Variants in LRP11 observed in about 807,000 individuals in gnomAD.
LRP11 encodes the protein LDL receptor related protein 11.
In LRP11, 25 loss-of-function variants were observed where a neutral mutation model predicts 43.1. The observed-to-expected ratio is 0.58, with a 90% CI of 0.42 to 0.81. The LOEUF (loss-of-function observed/expected upper bound fraction) is 0.81. Ranked by LOEUF, LRP11 falls within the 30% of genes least tolerant of loss-of-function variation. The pLI is 0.00. For synonymous variants in LRP11, 316 were observed against 299.4 expected, an observed-to-expected ratio of 1.06 and a Z score of -0.57; for missense variants, 623 against 665.1, an observed-to-expected ratio of 0.94 and a Z score of 0.70.
intron 1 of LRP11, among the ~76,000 whole-genome samples, chr6:149,854,210 T>C (rs757851949): frequency 1.4e-4 from 22 of 152,278 alleles, no homozygotes; most frequent in Non-Finnish European, 2.6e-4. Flanking sequence ...AGCCTCCAAC[T>C]CCTGGGCTCA....
rs1777007771 is a variant in LRP11 at position 149,864,357 on chromosome 6, A to G, written c.-337T>C. ...TGATCAGCACCAGGTGTGTGCGAAC[A>G]GTGGCCGCGGCGGGGTGGAGCCTTG... On this transcript the variant is annotated 5_prime_UTR_variant, in exon 1 of 7. Coordinates refer to ENST00000239367, the MANE Select transcript of LRP11 (RefSeq NM_032832.6). 2.0e-6 allele frequency: 2 copies of G among 997,500 alleles called. No individual in the cohort carries two copies. The highest frequency in any genetic ancestry group is 1.7e-5 in the African/African-American group (1 of 57,534). 61.8% of individuals were successfully genotyped at this position (997,500 alleles called of 1,614,324 possible).
chr6:149,820,472 G>A lies in LRP11; in HGVS notation c.*77C>T. ...GGCCCAATTAAAAACAAAAGAAGCTGTAAATATCCAGAACTTAATAGATGT... is the reference window on the plus strand; with the variant it reads ...GGCCCAATTAAAAACAAAAGAAGCTATAAATATCCAGAACTTAATAGATGT... On this transcript the variant is annotated 3_prime_UTR_variant, in exon 7 of 7. Coordinates refer to ENST00000239367, the MANE Select transcript of LRP11 (RefSeq NM_032832.6). 1.6e-6 allele frequency: 1 copy of A among 612,354 alleles called. No homozygotes were observed. Among genetic ancestry groups the A allele is most frequent in the Non-Finnish European group, 3.0e-6 (1 of 334,780 alleles). The allele number at this position is 612,354 out of a possible 1,614,324, so 37.9% of individuals were successfully genotyped here.
chr6:149,826,231 A>G (rs1251160140), intron 6 of LRP11, 33 bp downstream of exon 6: 2 of 1,490,000 alleles, frequency 1.3e-6, no homozygotes, highest in East Asian at 2.3e-5. Context: ...AGAAGACTAC[A>G]GTCTGCAAAG....
At chr6:149,859,784 T>C (rs554580972) in intron 1 of LRP11, among the ~76,000 whole-genome samples, 20 of 152,218 alleles carry the variant, frequency 1.3e-4, no homozygotes, top group Non-Finnish European at 2.2e-4. Context: ...TTTTTATAAA[T>C]GTGCATATAA....
chr6:149,834,314 A>C (rs1250613888), intron 5 of LRP11, among the ~76,000 whole-genome samples: 1 of 152,188 alleles, frequency 6.6e-6, no homozygotes, highest in Non-Finnish European at 1.5e-5. Flanking sequence ...ATCATTCCTC[A>C]GTGCTGGACA....
At chr6:149,852,945 T>A in intron 2 of LRP11, 58 bp downstream of exon 2, 1 of 1,467,618 alleles carries the variant, frequency 6.8e-7, no homozygotes, top group Non-Finnish European at 9.2e-7. Context: ...GGCAGGACAT[T>A]ACAAAAGACC....
chr6:149,830,365 T>G (rs987129004), intron 5 of LRP11, among the ~76,000 whole-genome samples: 4 of 152,174 alleles, frequency 2.6e-5, no homozygotes, highest in African/African-American at 9.7e-5. Context: ...GTTGATTACT[T>G]AGTAGCTAGT....
At chr6:149,842,944 C>T (rs781199180) in intron 3 of LRP11, 39 bp downstream of exon 3, 12 of 1,611,834 alleles carry the variant, frequency 7.4e-6, no homozygotes, top group Non-Finnish European at 1.0e-5. Flanking sequence ...CATTGCCTTC[C>T]ACAAGCAGTG....
Position 149,859,973 on chromosome 6 carries a change from G to C in LRP11, c.613+3435C>G, listed in dbSNP as rs117464887. ...TATGGTCAGAGTTGTAGGTCTAAATGTACTTTCCCTGACACTGCCAACCAG... is the reference window on the plus strand; with the variant it reads ...TATGGTCAGAGTTGTAGGTCTAAATCTACTTTCCCTGACACTGCCAACCAG... On this transcript the variant is annotated intron_variant, in intron 1 of 6. Transcript: ENST00000239367. 1.6e-4 allele frequency among the ~76,000 whole-genome samples: 24 copies of C among 152,204 alleles called. 2 individuals are homozygous for C. The East Asian group carries it at 4.6e-3, about 29-fold the overall frequency.
intron 1 of LRP11, 127 bp downstream of exon 1, chr6:149,863,281 C>A (rs1776959497): frequency 8.0e-7 from 1 of 1,249,586 alleles, no homozygotes; most frequent in Non-Finnish European, 1.0e-6. Context: ...GAAACCCATG[C>A]CAGAAACTCT....
rs535543901 is a variant in LRP11 at position 149,843,023 on chromosome 6, G to A, written c.873C>T (p.Asn291=). 12 of 1,614,074 alleles carry A rather than the reference G, an allele frequency of 7.4e-6. No individual in the cohort carries two copies. The highest frequency in any genetic ancestry group is 5.0e-5 in the Admixed American group (3 of 60,000). Residue 291 remains asparagine (N), a synonymous_variant, in exon 3 of 7, where the codon AAC becomes AAT. Transcript: ENST00000239367. The part of the protein sequence containing the change: ...TDTAGQRSSD[N]VSVTVLRAAY... Reference sequence around the variant, plus strand: ...CTGCGCGAAGCACTGTCACTGACACGTTGTCAGAGCTTCTCTGCCCGGCAG... The same window carrying A: ...CTGCGCGAAGCACTGTCACTGACACATTGTCAGAGCTTCTCTGCCCGGCAG...
intron 1 of LRP11, among the ~76,000 whole-genome samples, chr6:149,856,021 A>G (rs1405074883): frequency 6.6e-6 from 1 of 152,202 alleles, no homozygotes; most frequent in Non-Finnish European, 1.5e-5. Flanking sequence ...TGAAAGGTTC[A>G]TTGTTTCCAC....
chr6:149,835,366 G>A (rs1229967135), intron 5 of LRP11, among the ~76,000 whole-genome samples: 1 of 152,220 alleles, frequency 6.6e-6, no homozygotes, highest in African/African-American at 2.4e-5. Flanking sequence ...GAGGCCAGCC[G>A]AGGTGGGCAG....
intron 5 of LRP11, among the ~76,000 whole-genome samples, chr6:149,835,411 G>A (rs1287402468): frequency 6.6e-6 from 1 of 152,156 alleles, no homozygotes; most frequent in Non-Finnish European, 1.5e-5. Flanking sequence ...ACCAGCCTGG[G>A]CAACATGGCA....
At chr6:149,826,955 A>G (rs770363851) in intron 5 of LRP11, among the ~76,000 whole-genome samples, 2 of 146,806 alleles carry the variant, frequency 1.4e-5, no homozygotes, top group Non-Finnish European at 3.0e-5. Flanking sequence ...CTGAGGGGGA[A>G]ATTATTATTA....
chr6:149,863,893 G>T lies in LRP11; in HGVS notation c.128C>A (p.Ala43Glu). 1 of 1,489,982 alleles carries T rather than the reference G, an allele frequency of 6.7e-7. No homozygotes were observed. Among genetic ancestry groups the T allele is most frequent in the Non-Finnish European group, 8.9e-7 (1 of 1,128,072 alleles). 92.3% of individuals were successfully genotyped at this position (1,489,982 alleles called of 1,614,324 possible). A position where few individuals can be genotyped will look rare whatever the true frequency, so the allele number is the denominator to read the frequency against. The part of the protein sequence containing the change: ...PSGRAALPPA[A>E]PLSELHAQLS... Reference sequence around the variant, plus strand: ...CTGCGCGTGCAGTTCGGACAGCGGCGCCGCGGGCGGCAAGGCCGCACGGCC... The same window carrying T: ...CTGCGCGTGCAGTTCGGACAGCGGCTCCGCGGGCGGCAAGGCCGCACGGCC... Residue 43 changes from alanine (A) to glutamate (E), a missense_variant, in exon 1 of 7, where the codon GCG becomes GAG. By Grantham distance (107) the Ala-to-Glu change is moderately radical. Coordinates refer to ENST00000239367, the MANE Select transcript of LRP11 (RefSeq NM_032832.6).
chr6:149,821,077 C>A (rs1034186892), intron 6 of LRP11, among the ~76,000 whole-genome samples: 4 of 151,882 alleles, frequency 2.6e-5, no homozygotes, highest in African/African-American at 9.7e-5. Flanking sequence ...ATTACAGGTG[C>A]CTGCCACTGT....
intron 3 of LRP11, among the ~76,000 whole-genome samples, chr6:149,841,104 T>G (rs1776539994): frequency 1.3e-5 from 2 of 152,178 alleles, no homozygotes; most frequent in Non-Finnish European, 1.5e-5. Context: ...GCCAAACAAA[T>G]TTTTAATGCC....
intron 5 of LRP11, among the ~76,000 whole-genome samples, chr6:149,832,191 C>CTTTT (rs5880854): frequency 6.9e-5 from 9 of 130,132 alleles, no homozygotes; most frequent in South Asian, 2.5e-4. Flanking sequence ...TGAGCTAAGT[C>CTTTT]TTTTTTTTTT....
Sources: allele counts gnomAD v4.1 joint callset (sites outside exome capture counted in the v4.1 genomes callset), GRCh38; gene constraint gnomAD v4.1.1; transcripts MANE v1.5; gene names NCBI Gene and HGNC (gene_info 2026-07-23, HGNC 2026-07-21).